Variants in MAD1L1 observed in about 807,000 individuals in gnomAD.
MAD1L1 encodes mitotic spindle assembly checkpoint protein MAD1.
A neutral mutation model predicts 96.9 loss-of-function variants in MAD1L1; 95 were observed. The ratio of observed to expected loss-of-function variants is 0.98; its 90% CI spans 0.83 to 1.16. The LOEUF is 1.16. Ranked by LOEUF, MAD1L1 falls within the 50% of genes most tolerant of loss-of-function variation. The pLI, the probability that MAD1L1 is intolerant of heterozygous loss-of-function variation, is 0.00. For synonymous variants in MAD1L1, 473 were observed against 396.6 expected, an observed-to-expected ratio of 1.19 and a Z score of -2.29; for missense variants, 1,007 against 954.4, an observed-to-expected ratio of 1.06 and a Z score of -0.73.
chr7:1,835,094 G>C lies in MAD1L1; in HGVS notation c.1999-18866C>G, dbSNP rs184513373. Among the ~76,000 whole-genome samples, 187 of 147,252 alleles carry C rather than the reference G, an allele frequency of 1.3e-3. 1 individual carries two copies. Among genetic ancestry groups the C allele is most frequent in the Non-Finnish European group, 2.3e-3 (153 of 67,392 alleles). ...CTCAATAAATGCAGAAAAAGCATCT[G>C]ATCAAACCCAACAGGCATTCCTCAA... is the stretch of plus-strand genomic sequence containing the variant. On this transcript the variant is annotated intron_variant, in intron 18 of 18. Coordinates refer to ENST00000265854, the MANE Select transcript of MAD1L1 (RefSeq NM_001013836.2).
chr7:2,005,382 G>A (rs1048375271), intron 13 of MAD1L1, among the ~76,000 whole-genome samples: 2 of 152,170 alleles, frequency 1.3e-5, no homozygotes, highest in African/African-American at 2.4e-5. Flanking sequence ...TCTGTCGTCC[G>A]ACAGGCTGAA....
At chr7:2,140,408 G>A (rs1788971541) in intron 11 of MAD1L1, among the ~76,000 whole-genome samples, 1 of 152,268 alleles carries the variant, frequency 6.6e-6, no homozygotes, top group African/African-American at 2.4e-5. Context: ...GAGTGCACCA[G>A]GGCCGAATGG....
intron 17 of MAD1L1, among the ~76,000 whole-genome samples, chr7:1,932,987 T>TG (rs1337536371): frequency 6.6e-6 from 1 of 152,224 alleles, no homozygotes; most frequent in Non-Finnish European, 1.5e-5. Context: ...TGCTTTCTCT[T>TG]GGTGTGTGTT....
At chr7:1,895,679 C>T (rs950622331) in intron 18 of MAD1L1, among the ~76,000 whole-genome samples, 17 of 152,210 alleles carry the variant, frequency 1.1e-4, no homozygotes, top group Admixed American at 2.6e-4. Context: ...GGGTGGGGAG[C>T]GGGGCCTCTG....
rs531101701 is a variant in MAD1L1, at chr7:1,882,236, C to T, written c.1998+15964G>A. On this transcript the variant is annotated intron_variant, in intron 18 of 18. Transcript: ENST00000265854. ...TGCCTCGGGAGGCGAGTGTGCCGGGCAGAGGGCACCTGGGAGATGTTAGCA... is the reference window on the plus strand; with the variant it reads ...TGCCTCGGGAGGCGAGTGTGCCGGGTAGAGGGCACCTGGGAGATGTTAGCA... Among the ~76,000 whole-genome samples the T allele has an allele frequency of 2.0e-5, 3 of 152,208 alleles. No individual in the cohort carries two copies. The South Asian group carries it at 6.2e-4, about 31-fold the overall frequency.
In MAD1L1 at chr7:2,149,169, G is replaced by C; in HGVS notation, c.1056C>G (p.Asn352Lys). Residue 352 changes from asparagine to lysine, a missense_variant, in exon 11 of 19, where the codon AAC (asparagine) becomes AAG (lysine). By Grantham distance (94) the Asn-to-Lys change is moderately conservative. Coordinates refer to ENST00000265854, the MANE Select transcript of MAD1L1 (RefSeq NM_001013836.2). Reference protein sequence around the residue: ...QQRELALKDKNSAVTSSARGL... With the variant: ...QQRELALKDKKSAVTSSARGL... Reference sequence around the variant, plus strand: ...AGGTCTACCTGCTGGTGACGGCGCTGTTCTTGTCCTTCAAGGCAAGCTCCC... The same window carrying C: ...AGGTCTACCTGCTGGTGACGGCGCTCTTCTTGTCCTTCAAGGCAAGCTCCC... 1 of 1,614,102 alleles carries C rather than the reference G, an allele frequency of 6.2e-7. No homozygotes were observed. The highest frequency in any genetic ancestry group is 8.5e-7 in the Non-Finnish European group (1 of 1,180,030).
chr7:1,904,493 T>C (rs554935534), intron 17 of MAD1L1, among the ~76,000 whole-genome samples: 2 of 136,014 alleles, frequency 1.5e-5, no homozygotes, highest in East Asian at 4.3e-4. Flanking sequence ...GAGGACGCAG[T>C]GGCCTATGGA....
chr7:2,168,409 C>T (rs749077916), intron 10 of MAD1L1, among the ~76,000 whole-genome samples: 2 of 152,160 alleles, frequency 1.3e-5, no homozygotes, highest in Non-Finnish European at 2.9e-5. Flanking sequence ...GCATCATTAG[C>T]GAGATGTTCT....
In MAD1L1 at chr7:1,898,302, G is replaced by A; in HGVS notation, c.1896C>T (p.Ala632=). The change falls in exon 18 of 19, where the codon GCC becomes GCT. Residue 632 remains alanine, a synonymous_variant. Coordinates refer to ENST00000265854, the MANE Select transcript of MAD1L1 (RefSeq NM_001013836.2). ...TCTGGTAGCCGGTGAGCGTGTAGCAGGCCTTGCGGAACTCCTGGATCTTGG... is the reference window on the plus strand; with the variant it reads ...TCTGGTAGCCGGTGAGCGTGTAGCAAGCCTTGCGGAACTCCTGGATCTTGG... ...FQTKIQEFRK[A]CYTLTGYQID... 6.2e-7 allele frequency: 1 copy of A among 1,614,086 alleles called. No homozygotes were observed. The highest frequency in any genetic ancestry group is 2.2e-5 in the East Asian group (1 of 44,878).
intron 10 of MAD1L1, among the ~76,000 whole-genome samples, chr7:2,202,472 C>T (rs894988637): frequency 2.0e-5 from 3 of 152,196 alleles, no homozygotes; most frequent in Admixed American, 1.3e-4. Flanking sequence ...CTTCTCCCTC[C>T]AGATCATGGG....
At chr7:2,003,359 A>C (rs556229400) in intron 13 of MAD1L1, among the ~76,000 whole-genome samples, 24 of 152,208 alleles carry the variant, frequency 1.6e-4, no homozygotes, top group African/African-American at 5.8e-4. Flanking sequence ...AGACACAGAA[A>C]ACAAGGCACT....
chr7:1,876,529 G>C (rs1312883704), intron 18 of MAD1L1, among the ~76,000 whole-genome samples: 1 of 152,040 alleles, frequency 6.6e-6, no homozygotes, highest in Non-Finnish European at 1.5e-5. Flanking sequence ...AATTAATTAC[G>C]ATACCTTGGA....
rs1789827844 is a variant in MAD1L1, at chr7:2,156,165, G to T, written c.987-6927C>A. Among the ~76,000 whole-genome samples the T allele has an allele frequency of 1.4e-5, 2 of 147,154 alleles. 1 individual carries two copies. The highest frequency in any genetic ancestry group is 4.3e-4 in the South Asian group (2 of 4,666). On this transcript the variant is annotated intron_variant, in intron 10 of 18. Transcript: ENST00000265854. Reference sequence around the variant, plus strand: ...ACGGCGGGTGTGGCGAGGGGAGCGGGCGCACGGTTTCACGGCGCGTGTGGC... The same window carrying T: ...ACGGCGGGTGTGGCGAGGGGAGCGGTCGCACGGTTTCACGGCGCGTGTGGC...
intron 9 of MAD1L1, 123 bp downstream of exon 9, chr7:2,215,762 C>T: frequency 1.2e-6 from 1 of 863,956 alleles, no homozygotes; most frequent in South Asian, 1.5e-5. Flanking sequence ...ATTCTGCCTC[C>T]CACCCCATCA....
chr7:2,114,548 C>T lies in MAD1L1; in HGVS notation c.1073+34604G>A, dbSNP rs955589493. 2.0e-5 allele frequency among the ~76,000 whole-genome samples: 3 copies of T among 152,258 alleles called. No individual in the cohort carries two copies. Among genetic ancestry groups the T allele is most frequent in the Non-Finnish European group, 2.9e-5 (2 of 68,042 alleles). ...TGCAGCAAGGCCCAAGCCGACGTCA[C>T]GTGGCAGAAGGATCTTCATGAAGAT... On this transcript the variant is annotated intron_variant, in intron 11 of 18. Coordinates refer to ENST00000265854, the MANE Select transcript of MAD1L1 (RefSeq NM_001013836.2). This position sits in a 1 kb window ranked among gnomAD's most constrained non-coding sequence, Gnocchi z 4.2.
At chr7:1,907,532 C>T (rs995241239) in intron 17 of MAD1L1, among the ~76,000 whole-genome samples, 6 of 152,272 alleles carry the variant, frequency 3.9e-5, no homozygotes, top group African/African-American at 9.6e-5. Context: ...CAATCCTACT[C>T]GGCGTAGGCC....
At chr7:2,075,103 G>A (rs974064649) in intron 11 of MAD1L1, among the ~76,000 whole-genome samples, 1 of 152,188 alleles carries the variant, frequency 6.6e-6, no homozygotes, top group Admixed American at 6.5e-5. Flanking sequence ...TGAGGTGCCG[G>A]CGTCTCGAGA....
chr7:2,196,883 C>T (rs1485322589), intron 10 of MAD1L1, among the ~76,000 whole-genome samples: 2 of 152,220 alleles, frequency 1.3e-5, no homozygotes, highest in African/African-American at 4.8e-5. Flanking sequence ...AAACACCGCC[C>T]ACCCTCCCCA....
chr7:2,195,723 T>G (rs1027270972), intron 10 of MAD1L1, among the ~76,000 whole-genome samples: 6 of 152,236 alleles, frequency 3.9e-5, no homozygotes, highest in African/African-American at 7.2e-5. Context: ...CCCAAGTAAT[T>G]ACTGCTCTTA....
Sources: allele counts gnomAD v4.1 joint callset (sites outside exome capture counted in the v4.1 genomes callset), GRCh38; gene constraint gnomAD v4.1.1; non-coding constraint Gnocchi (gnomAD v3.1); transcripts MANE v1.5; gene names NCBI Gene and HGNC (gene_info 2026-07-23, HGNC 2026-07-21).